Variants in KAZN observed in about 807,000 individuals in gnomAD.
KAZN encodes kazrin.
In KAZN, 40 loss-of-function variants were observed where a neutral mutation model predicts 87.4. The observed-to-expected ratio is 0.46, with a 90% CI of 0.36 to 0.60. The LOEUF (loss-of-function observed/expected upper bound fraction) is 0.60, where lower values mean the gene tolerates loss of function less well. KAZN is among the 20% of genes least tolerant of loss of function. KAZN has a pLI of 0.00. For missense variants in KAZN, 898 were observed against 1,073.9 expected (o/e 0.84, Z 2.29); for synonymous variants, 466 against 458.3 (o/e 1.02, Z -0.22).
intron 2 of KAZN, among the ~76,000 whole-genome samples, chr1:14,335,305 T>C (rs1010641063): frequency 2.0e-5 from 3 of 151,002 alleles, no homozygotes; most frequent in Non-Finnish European, 4.4e-5. Context: ...TGAGTTGAAG[T>C]GATTCTCCTG....
At chr1:14,604,869 C>T (rs1024481222) in intron 1 of KAZN, among the ~76,000 whole-genome samples, 1 of 152,230 alleles carries the variant, frequency 6.6e-6, no homozygotes, top group Non-Finnish European at 1.5e-5. Flanking sequence ...GCCCACTTCT[C>T]CAGTCAGGCT....
At chr1:15,050,163 T>TAGAC (rs1674204076) in intron 4 of KAZN, among the ~76,000 whole-genome samples, 1 of 65,636 alleles carries the variant, frequency 1.5e-5, no homozygotes. Context: ...TAGAATGGAA[T>TAGAC]AGAATAGAAT....
chr1:14,194,270 CAG>C (rs1646481496), intron 2 of KAZN, among the ~76,000 whole-genome samples: 1 of 152,236 alleles, frequency 6.6e-6, no homozygotes, highest in East Asian at 1.9e-4. Flanking sequence ...AGCTTGTGGA[CAG>C]AGTCATGCTG....
chr1:14,053,612 C>T (rs536071886), intron 1 of KAZN, among the ~76,000 whole-genome samples: 14 of 152,154 alleles, frequency 9.2e-5, no homozygotes, highest in African/African-American at 3.1e-4. Context: ...CCCAGAACTA[C>T]GTTACAATCT....
intron 8 of KAZN, among the ~76,000 whole-genome samples, chr1:15,092,060 G>GT (rs57460680): frequency 0.094 from 10,741 of 114,262 alleles, 501 homozygotes; most frequent in African/African-American, 0.11. Flanking sequence ...TTGTTTTTTT[G>GT]TTTTTTTTTT....
intron 2 of KAZN, among the ~76,000 whole-genome samples, chr1:14,346,193 G>C (rs1270227699): frequency 1.3e-5 from 2 of 152,116 alleles, no homozygotes; most frequent in African/African-American, 4.8e-5. Context: ...TGTGTGGCTT[G>C]TTACTGTACA....
chr1:14,193,092 A>G (rs1646454020), intron 2 of KAZN, among the ~76,000 whole-genome samples: 1 of 152,162 alleles, frequency 6.6e-6, no homozygotes. Flanking sequence ...TGATGGTTTT[A>G]TAAGGCGTTC....
chr1:14,149,783 T>C (rs961190370), intron 1 of KAZN, among the ~76,000 whole-genome samples: 1 of 152,204 alleles, frequency 6.6e-6, no homozygotes, highest in Non-Finnish European at 1.5e-5. Context: ...ATGATTTTTT[T>C]AAAAGCCTAA....
chr1:14,700,088 G>T (rs1031923814), intron 1 of KAZN, among the ~76,000 whole-genome samples: 2 of 152,172 alleles, frequency 1.3e-5, no homozygotes, highest in South Asian at 2.1e-4. Flanking sequence ...CTGAAAGAAG[G>T]CCAGATCACA....
At chr1:14,294,514 G>T (rs1653967209) in intron 2 of KAZN, among the ~76,000 whole-genome samples, 2 of 151,852 alleles carry the variant, frequency 1.3e-5, no homozygotes, top group Admixed American at 6.6e-5. Flanking sequence ...AGGCCACTGA[G>T]GATCAGAGAG....
At chr1:14,237,565 C>T (rs556966116) in intron 2 of KAZN, among the ~76,000 whole-genome samples, 2 of 152,252 alleles carry the variant, frequency 1.3e-5, no homozygotes, top group South Asian at 4.1e-4. Context: ...AGAGAGAATA[C>T]TCTGTTATAA....
intron 1 of KAZN, among the ~76,000 whole-genome samples, chr1:14,108,352 C>G (rs1557481763): frequency 6.6e-6 from 1 of 152,084 alleles, no homozygotes. Context: ...AAGAGTGTGT[C>G]TCTGCTGAAT....
intron 2 of KAZN, among the ~76,000 whole-genome samples, chr1:15,013,471 G>A (rs535977908): frequency 3.3e-5 from 5 of 152,122 alleles, no homozygotes; most frequent in South Asian, 2.1e-4. Context: ...TGGTGGAACC[G>A]GGCCAGGCAC....
At chr1:14,118,212 T>C (rs1644671622) in intron 1 of KAZN, among the ~76,000 whole-genome samples, 1 of 152,258 alleles carries the variant, frequency 6.6e-6, no homozygotes, top group Non-Finnish European at 1.5e-5. Flanking sequence ...TACCAGGTTC[T>C]GGATTCTGTG....
At chr1:14,214,235 G>A (rs900518809) in intron 2 of KAZN, among the ~76,000 whole-genome samples, 6 of 12,494 alleles carry the variant, frequency 4.8e-4, no homozygotes, top group African/African-American at 4.2e-3. Context: ...ACCTCACTCC[G>A]GCTTTCTTTG....
At chr1:14,165,760 A>G (rs1645811738) in intron 1 of KAZN, among the ~76,000 whole-genome samples, 1 of 152,142 alleles carries the variant, frequency 6.6e-6, no homozygotes, top group African/African-American at 2.4e-5. Flanking sequence ...GCTACTTGAA[A>G]TCTTTGGCTC....
chr1:14,703,410 G>A (rs896762329), intron 1 of KAZN, among the ~76,000 whole-genome samples: 2 of 152,162 alleles, frequency 1.3e-5, no homozygotes, highest in African/African-American at 4.8e-5. Flanking sequence ...AAGATCTGAT[G>A]GTTTTATAAG....
chr1:14,591,322 G>A (rs537117476), intron 2 of KAZN, among the ~76,000 whole-genome samples: 4 of 151,878 alleles, frequency 2.6e-5, no homozygotes, highest in Non-Finnish European at 5.9e-5. Flanking sequence ...CTTGGCTGTG[G>A]TTGTTTTTCC....
At chr1:13,959,413 C>G (rs576931963) in intron 1 of KAZN, among the ~76,000 whole-genome samples, 11 of 152,138 alleles carry the variant, frequency 7.2e-5, no homozygotes, top group South Asian at 4.1e-4. Context: ...TGTAAGTTGG[C>G]AGGGAGGAAT....
Sources: gnomAD v4.1 joint callset for allele counts (sites outside exome capture counted in the v4.1 genomes callset) on GRCh38, gnomAD v4.1.1 for gene constraint, MANE v1.5 for transcripts, NCBI Gene and HGNC (gene_info 2026-07-23, HGNC 2026-07-21) for gene names.